Variants in ZEB2 observed in about 807,000 individuals in gnomAD.
ZEB2 encodes zinc finger E-box-binding homeobox 2.
Under a neutral mutation model 99.9 loss-of-function variants are expected in ZEB2, and 6 were observed. The ratio of observed to expected loss-of-function variants is 0.06; its 90% confidence interval spans 0.03 to 0.12. The LOEUF (loss-of-function observed/expected upper bound fraction) is 0.12, where lower values mean the gene tolerates loss of function less well. Ranked by LOEUF, ZEB2 falls within the 10% of genes least tolerant of loss-of-function variation. The pLI, the probability that ZEB2 is intolerant of heterozygous loss-of-function variation, is 1.00. For synonymous variants in ZEB2, 517 were observed against 542.5 expected (o/e 0.95, Z 0.65); for missense variants, 969 against 1,502.8 (o/e 0.64, Z 5.87).
At chr2:144,468,396 T>G (rs781552784) in intron 2 of ZEB2, among the ~76,000 whole-genome samples, 40 of 152,148 alleles carry the variant, frequency 2.6e-4, no homozygotes, top group Non-Finnish European at 5.0e-4. Context: ...ATTACAAGAA[T>G]AGTGGGTGAT....
At chr2:144,396,121 T>C (rs1005911097) in intron 9 of ZEB2, among the ~76,000 whole-genome samples, 2 of 152,214 alleles carry the variant, frequency 1.3e-5, no homozygotes, top group Admixed American at 6.5e-5. Flanking sequence ...TAACTGGCTG[T>C]GTCATGCCAT....
At chr2:144,454,093 A>C (rs529420678) in intron 2 of ZEB2, among the ~76,000 whole-genome samples, 1 of 152,352 alleles carries the variant, frequency 6.6e-6, no homozygotes, top group Admixed American at 6.5e-5. Flanking sequence ...TTTATAAACA[A>C]AGTATATTAT....
At chr2:144,417,143 G>A (rs982949953) in intron 4 of ZEB2, among the ~76,000 whole-genome samples, 6 of 152,280 alleles carry the variant, frequency 3.9e-5, no homozygotes, top group Middle Eastern at 3.4e-3. Flanking sequence ...CTTGCACTTA[G>A]TAGGGTCCCA....
intron 9 of ZEB2, among the ~76,000 whole-genome samples, chr2:144,395,576 G>A (rs1387489469): frequency 2.0e-5 from 3 of 152,126 alleles, no homozygotes; most frequent in African/African-American, 4.8e-5. Flanking sequence ...GATGGGCTAG[G>A]GGTAGGGATG....
intron 4 of ZEB2, among the ~76,000 whole-genome samples, chr2:144,411,121 T>TACAC (rs10666828): frequency 0.012 from 1,234 of 106,636 alleles, 28 homozygotes; most frequent in Middle Eastern, 0.022. Context: ...GCATCTCATA[T>TACAC]ATACACACAC....
At chr2:144,511,406 A>T in intron 2 of ZEB2, 1 of 1,217,982 alleles carries the variant, frequency 8.2e-7, no homozygotes, top group Non-Finnish European at 1.0e-6. Flanking sequence ...GAAATCCTTT[A>T]TTTACTTTGT....
At chr2:144,430,435 C>T (rs1005929310) in intron 2 of ZEB2, 31 of 224,526 alleles carry the variant, frequency 1.4e-4, no homozygotes, top group East Asian at 6.4e-4. Context: ...ACTATAAATA[C>T]GAGATGACTT....
At chr2:144,415,515 A>C (rs1703527858) in intron 4 of ZEB2, among the ~76,000 whole-genome samples, 1 of 152,114 alleles carries the variant, frequency 6.6e-6, no homozygotes, top group Admixed American at 6.5e-5. Flanking sequence ...CTTCAGACTA[A>C]ATGAAACTGT....
intron 2 of ZEB2, chr2:144,463,455 C>G (rs988668532): frequency 1.3e-5 from 2 of 152,060 alleles, no homozygotes; most frequent in Admixed American, 1.3e-4. Context: ...TTTCTTGGCA[C>G]CTGGTTATCT....
chr2:144,512,723 C>T (rs1302595352), intron 2 of ZEB2: 4 of 1,287,026 alleles, frequency 3.1e-6, no homozygotes, highest in Non-Finnish European at 3.0e-6. Flanking sequence ...CATGTTTCTA[C>T]CCCAATTGGC....
chr2:144,418,096 A>C (rs1208633252), intron 4 of ZEB2, among the ~76,000 whole-genome samples: 5 of 152,196 alleles, frequency 3.3e-5, no homozygotes, highest in African/African-American at 1.2e-4. Context: ...CTCCTCCTAC[A>C]CAGTTAAAGA....
intron 3 of ZEB2, chr2:144,427,778 G>T (rs1171370289): frequency 1.3e-5 from 2 of 152,134 alleles, no homozygotes; most frequent in African/African-American, 4.8e-5. Flanking sequence ...TGAGATTAGG[G>T]ATTTACATTT....
intron 2 of ZEB2, among the ~76,000 whole-genome samples, chr2:144,449,112 G>A (rs1464768732): frequency 6.6e-6 from 1 of 152,198 alleles, no homozygotes; most frequent in African/African-American, 2.4e-5. Context: ...GCTGGGGCAA[G>A]GAAGCTGCAC....
At chr2:144,392,495 C>G (rs1415498326) in intron 9 of ZEB2, among the ~76,000 whole-genome samples, 1 of 152,124 alleles carries the variant, frequency 6.6e-6, no homozygotes, top group Non-Finnish European at 1.5e-5. Flanking sequence ...AAACAGTATG[C>G]TTATAATACG....
At chr2:144,392,827 T>C (rs1285167121) in intron 9 of ZEB2, among the ~76,000 whole-genome samples, 4 of 152,166 alleles carry the variant, frequency 2.6e-5, no homozygotes, top group Non-Finnish European at 4.4e-5. Context: ...TTTCTTAGGG[T>C]AAATATTTTC....
At chr2:144,505,436 G>GA (rs1704939242) in intron 2 of ZEB2, among the ~76,000 whole-genome samples, 1 of 152,214 alleles carries the variant, frequency 6.6e-6, no homozygotes, top group African/African-American at 2.4e-5. Context: ...AAGCCTGCCA[G>GA]AAAAAGGACT....
At chr2:144,483,520 T>C (rs76344693) in intron 2 of ZEB2, among the ~76,000 whole-genome samples, 7,776 of 152,286 alleles carry the variant, frequency 0.051, 263 homozygotes, top group Middle Eastern at 0.085. Context: ...TCCTTTACTT[T>C]TGAAGAAGAT....
chr2:144,516,503 C>T (rs1196358738), intron 2 of ZEB2: 1 of 147,890 alleles, frequency 6.8e-6, no homozygotes, highest in Non-Finnish European at 1.5e-5. Flanking sequence ...CTTTCTCCTT[C>T]CTCCTTCCTG....
In ZEB2 at chr2:144,398,906, T is replaced by A. The variant is rs867243713; in HGVS notation, c.2281A>T (p.Thr761Ser). The part of the protein sequence containing the change: ...VTNCDPPLRL[T>S]KPSHFTNIKP... The stretch of plus-strand genomic sequence containing the variant: ...ATATTGGTAAAATGGGAAGGTTTTG[T>A]TAGCCTGAGAGGAGGATCACAATTC... The change falls in exon 8 of 10, where the codon ACA (threonine) becomes TCA (serine). Residue 761 changes from threonine (T) to serine (S), a missense_variant. Thr to Ser is a moderately conservative substitution (Grantham distance 58). Coordinates refer to ENST00000627532, the MANE Select transcript of ZEB2 (RefSeq NM_014795.4). 1.2e-6 allele frequency: 2 copies of A among 1,614,186 alleles called. No homozygotes were observed. Among genetic ancestry groups the A allele is most frequent in the African/African-American group, 2.7e-5 (2 of 75,056 alleles).
Sources: gnomAD v4.1 joint callset for allele counts (sites outside exome capture counted in the v4.1 genomes callset) on GRCh38, gnomAD v4.1.1 for gene constraint, MANE v1.5 for transcripts, NCBI Gene and HGNC (gene_info 2026-07-23, HGNC 2026-07-21) for gene names.